The following CFAP299 variants were observed in gnomAD, a reference collection of about 807,000 sequenced individuals.
CFAP299 encodes cilia- and flagella-associated protein 299.
CFAP299 carries 21 observed loss-of-function variants against 27.0 expected under a neutral mutation model. The observed-to-expected ratio is 0.78, with a 90% CI of 0.55 to 1.12. The LOEUF (loss-of-function observed/expected upper bound fraction) is 1.12, where lower values mean the gene tolerates loss of function less well. Among genes scored for constraint, CFAP299 ranks in the 50% most tolerant of loss-of-function variants. The probability of loss-of-function intolerance (pLI) is 0.00; values close to 1 mark genes in which losing one functional copy is unlikely to be tolerated. For synonymous variants in CFAP299, 104 were observed against 98.1 expected (o/e 1.06, Z -0.36); for missense variants, 310 against 276.6 (o/e 1.12, Z -0.86).
chr4:80,933,165 C>CCTTTCTTT (rs569206836), intron 4 of CFAP299, among the ~76,000 whole-genome samples: 35 of 149,212 alleles, frequency 2.3e-4, no homozygotes, highest in Admixed American at 3.4e-4. Context: ...TCTTTCCTTT[C>CCTTTCTTT]CTTTCTTTCT....
At chr4:80,630,750 T>C in intron 3 of CFAP299, among the ~76,000 whole-genome samples, 1 of 152,060 alleles carries the variant, frequency 6.6e-6, no homozygotes, top group South Asian at 2.1e-4. Context: ...AGAAGCATAA[T>C]ATAAGTACTT....
At chr4:80,353,951 T>G (rs563878418) in intron 1 of CFAP299, among the ~76,000 whole-genome samples, 2 of 152,212 alleles carry the variant, frequency 1.3e-5, no homozygotes, top group Non-Finnish European at 2.9e-5. Flanking sequence ...AAATATATCC[T>G]AAATGCTTTG....
intron 2 of CFAP299, among the ~76,000 whole-genome samples, chr4:80,558,358 G>GTTTTTTTTTTTTTTTTTTTTTT: frequency 8.2e-6 from 1 of 121,680 alleles, no homozygotes; most frequent in African/African-American, 3.3e-5. Context: ...TTGTTTGTTT[G>GTTTTTTTTTTTTTTTTTTTTTT]TTTGTTTGTT....
intron 3 of CFAP299, among the ~76,000 whole-genome samples, chr4:80,643,933 T>A (rs1330239936): frequency 1.3e-5 from 2 of 152,192 alleles, no homozygotes; most frequent in Non-Finnish European, 2.9e-5. Context: ...TACAGGATGC[T>A]TTAGTATTTA....
At chr4:80,454,748 GAGAA>G (rs1729066080) in intron 2 of CFAP299, among the ~76,000 whole-genome samples, 1 of 152,178 alleles carries the variant, frequency 6.6e-6, no homozygotes, top group African/African-American at 2.4e-5. Context: ...AATTGAAAGA[GAGAA>G]AGAGTTTAAG....
At chr4:80,416,959 TAAGA>T (rs1401653700) in intron 2 of CFAP299, among the ~76,000 whole-genome samples, 2 of 152,188 alleles carry the variant, frequency 1.3e-5, no homozygotes, top group Non-Finnish European at 2.9e-5. Flanking sequence ...GCAAGTTTAT[TAAGA>T]AAGTAAAGGA....
intron 2 of CFAP299, among the ~76,000 whole-genome samples, chr4:80,442,679 A>G (rs2045154240): frequency 6.6e-6 from 1 of 152,208 alleles, no homozygotes. Flanking sequence ...GACAAGAAAT[A>G]ACTAAGATCA....
At chr4:80,672,573 G>A (rs1270689543) in intron 3 of CFAP299, among the ~76,000 whole-genome samples, 1 of 152,182 alleles carries the variant, frequency 6.6e-6, no homozygotes, top group Non-Finnish European at 1.5e-5. Context: ...AGTTTCAGAA[G>A]GAATGGTACC....
At chr4:80,770,746 C>T (rs976253232) in intron 3 of CFAP299, among the ~76,000 whole-genome samples, 2 of 152,106 alleles carry the variant, frequency 1.3e-5, no homozygotes, top group African/African-American at 4.8e-5. Context: ...TATTTGTTCC[C>T]AACCTCCCTC....
chr4:80,357,162 C>T lies in CFAP299; in HGVS notation c.112-5592C>T, dbSNP rs532408077. 9.2e-5 allele frequency among the ~76,000 whole-genome samples: 14 copies of T among 152,208 alleles called. No homozygotes were observed. In the East Asian group the frequency reaches 2.7e-3, roughly 29 times the overall value. On this transcript the variant is annotated intron_variant, in intron 1 of 5. Transcript: ENST00000358105. ...TGTTTATTGATTTACATATGTTGAACCAACCTTGCGTCCCAAGGATGAAGC... is the reference window on the plus strand; with the variant it reads ...TGTTTATTGATTTACATATGTTGAATCAACCTTGCGTCCCAAGGATGAAGC...
At chr4:80,922,998 G>A (rs1039456147) in intron 4 of CFAP299, among the ~76,000 whole-genome samples, 1 of 151,838 alleles carries the variant, frequency 6.6e-6, no homozygotes, top group Admixed American at 6.6e-5. Flanking sequence ...GTTCACTGTA[G>A]GTCAATATGT....
At chr4:80,572,535 T>TTTTTTGG (rs869059415) in intron 2 of CFAP299, among the ~76,000 whole-genome samples, 1 of 127,912 alleles carries the variant, frequency 7.8e-6, no homozygotes, top group East Asian at 2.2e-4. Flanking sequence ...TTTTTTTTTT[T>TTTTTTGG]GAGAGGGAGT....
intron 4 of CFAP299, among the ~76,000 whole-genome samples, chr4:80,912,672 A>G (rs1185520827): frequency 6.6e-6 from 1 of 152,162 alleles, no homozygotes; most frequent in Non-Finnish European, 1.5e-5. Flanking sequence ...AGAGCTCTGA[A>G]CCCAGAGTTC....
intron 3 of CFAP299, among the ~76,000 whole-genome samples, chr4:80,684,766 C>T (rs1426881442): frequency 6.6e-6 from 1 of 152,146 alleles, no homozygotes; most frequent in East Asian, 1.9e-4. Flanking sequence ...TAAAAATTCA[C>T]ATTACAGTCA....
chr4:80,618,537 A>C (rs947480757), intron 3 of CFAP299, among the ~76,000 whole-genome samples: 5 of 152,140 alleles, frequency 3.3e-5, no homozygotes, highest in Non-Finnish European at 1.5e-5. Flanking sequence ...ATATATAGAA[A>C]TAATTTAGAG....
At chr4:80,679,338 GGTTTT>G (rs1250303858) in intron 3 of CFAP299, among the ~76,000 whole-genome samples, 1 of 151,798 alleles carries the variant, frequency 6.6e-6, no homozygotes, top group African/African-American at 2.4e-5. Context: ...GTTGTTACCA[GGTTTT>G]GTTTTGTTTT....
At chr4:80,650,921 C>T (rs1010641054) in intron 3 of CFAP299, among the ~76,000 whole-genome samples, 15 of 151,582 alleles carry the variant, frequency 9.9e-5, no homozygotes, top group African/African-American at 3.4e-4. Flanking sequence ...GTATCCTGCT[C>T]GGGTGATGAG....
rs533111886 is a variant in CFAP299 at position 80,620,526 on chromosome 4, G to T, written c.333+37343G>T. ...TATTTATATTTTGGATTTTCTGTTTGCTTTACAATTGGGTGAACTTAAACT... is the reference window on the plus strand; with the variant it reads ...TATTTATATTTTGGATTTTCTGTTTTCTTTACAATTGGGTGAACTTAAACT... On this transcript the variant is annotated intron_variant, in intron 3 of 5. Transcript: ENST00000358105. Among the ~76,000 whole-genome samples the T allele has an allele frequency of 2.0e-4, 31 of 152,188 alleles. No homozygotes were observed. The South Asian group carries it at 6.2e-3, about 31-fold the overall frequency.
rs527388355 is a variant in CFAP299, at chr4:80,455,711, C to A, written c.242+92827C>A. On this transcript the variant is annotated intron_variant, in intron 2 of 5. Coordinates refer to ENST00000358105, the MANE Select transcript of CFAP299 (RefSeq NM_152770.3). Reference sequence around the variant, plus strand: ...AGAGACCATGTATCTTCTTAAAATACCTTTAAGGTTTTCAAGTTAATATTT... The same window carrying A: ...AGAGACCATGTATCTTCTTAAAATAACTTTAAGGTTTTCAAGTTAATATTT... 2.6e-5 allele frequency among the ~76,000 whole-genome samples: 4 copies of A among 152,046 alleles called. No individual in the cohort carries two copies. In the South Asian group the frequency reaches 8.3e-4, roughly 32 times the overall value.
Sources: gnomAD v4.1 joint callset for allele counts (sites outside exome capture counted in the v4.1 genomes callset) on GRCh38, gnomAD v4.1.1 for gene constraint, MANE v1.5 for transcripts, NCBI Gene and HGNC (gene_info 2026-07-23, HGNC 2026-07-21) for gene names.